Variants in LRPAP1 observed in about 807,000 individuals in gnomAD.
The protein encoded by LRPAP1 is LDL receptor related protein associated protein 1, also known as alpha-2-macroglobulin receptor-associated protein.
A neutral mutation model predicts 39.9 loss-of-function variants in LRPAP1; 41 were observed. The observed-to-expected ratio is 1.03, with a 90% confidence interval of 0.80 to 1.33. The LOEUF (loss-of-function observed/expected upper bound fraction) is 1.33. Among genes scored for constraint, LRPAP1 ranks in the 40% most tolerant of loss-of-function variants. The pLI, the probability that LRPAP1 is intolerant of heterozygous loss-of-function variation, is 0.00. For synonymous variants in LRPAP1, 263 were observed against 212.7 expected, an observed-to-expected ratio of 1.24 and a Z score of -2.06; for missense variants, 565 against 482.3, an observed-to-expected ratio of 1.17 and a Z score of -1.61.
chr4:3,522,397 G>A (rs929232065), intron 2 of LRPAP1, among the ~76,000 whole-genome samples: 3 of 152,256 alleles, frequency 2.0e-5, no homozygotes, highest in African/African-American at 7.2e-5. Context: ...GATTCTGGAG[G>A]TGCTGGGTTC....
At chr4:3,522,817 A>C (rs1194766492) in intron 2 of LRPAP1, among the ~76,000 whole-genome samples, 5 of 152,142 alleles carry the variant, frequency 3.3e-5, no homozygotes, top group African/African-American at 1.2e-4. Flanking sequence ...AGAGCAGAGC[A>C]GGGCAGGGCA....
At chr4:3,513,728 C>T (rs1322929613) in intron 7 of LRPAP1, among the ~76,000 whole-genome samples, 2 of 152,224 alleles carry the variant, frequency 1.3e-5, no homozygotes, top group Non-Finnish European at 2.9e-5. Flanking sequence ...CACATCACAA[C>T]AGCCCAGAGC....
At position 3,504,199 on chromosome 4, in the gene LRPAP1, G is replaced by C. The variant is rs1729285565; in HGVS notation, c.*8775C>G. ...CCTGCGGCCCTTCAGGGGTCAGCAT[G>C]ACTTGTGTGGGTCAGAAAGCCTCAG... On this transcript the variant is annotated 3_prime_UTR_variant, in exon 8 of 8. Coordinates refer to ENST00000650182, the MANE Select transcript of LRPAP1 (RefSeq NM_002337.4). 1 of 152,328 alleles carries C rather than the reference G, an allele frequency of 6.6e-6. No homozygotes were observed. Among genetic ancestry groups the C allele is most frequent in the African/African-American group, 2.4e-5 (1 of 41,474 alleles). 9.4% of individuals were successfully genotyped at this position (152,328 alleles called of 1,614,324 possible).
At position 3,510,655 on chromosome 4, in the gene LRPAP1, C is replaced by T. The variant is rs574226498; in HGVS notation, c.*2319G>A. The T allele has an allele frequency of 6.6e-6, 1 of 152,422 alleles. No homozygotes were observed. Among genetic ancestry groups the T allele is most frequent in the East Asian group, 1.9e-4 (1 of 5,192 alleles). The allele number at this position is 152,422 out of a possible 1,614,324, so 9.4% of individuals were successfully genotyped here. ...TGGATACACACGCGGCACACACCCA[C>T]ACAACAGGCCGCCACGCGGCAATCA... On this transcript the variant is annotated 3_prime_UTR_variant, in exon 8 of 8. Transcript: ENST00000650182.
Position 3,510,122 on chromosome 4 carries a change from C to T in LRPAP1, c.*2852G>A, listed in dbSNP as rs373207822. 1 of 152,162 alleles carries T rather than the reference C, an allele frequency of 6.6e-6. No homozygotes were observed. Among genetic ancestry groups the T allele is most frequent in the Non-Finnish European group, 1.5e-5 (1 of 68,048 alleles). 9.4% of individuals were successfully genotyped at this position (152,162 alleles called of 1,614,324 possible). ...GATTCAGGGTTTATTATAAACCCAA[C>T]TGTAGCCAAGACAGTGTGGCGGCCG... On this transcript the variant is annotated 3_prime_UTR_variant, in exon 8 of 8. Transcript: ENST00000650182.
rs968084527 is a variant in LRPAP1, at chr4:3,506,768, G to A, written c.*6206C>T. The A allele has an allele frequency of 3.9e-5, 6 of 152,208 alleles. No homozygotes were observed. Among genetic ancestry groups the A allele is most frequent in the Admixed American group, 6.5e-5 (1 of 15,288 alleles). 9.4% of individuals were successfully genotyped at this position (152,208 alleles called of 1,614,324 possible). A position where few individuals can be genotyped will look rare whatever the true frequency, so the allele number is the denominator to read the frequency against. On this transcript the variant is annotated 3_prime_UTR_variant, in exon 8 of 8. Transcript: ENST00000650182. ...GAGAAAATAGAAAGACCACTAGAAC[G>A]GAAAAATAAAAAATAAAAATTAGAT...
intron 1 of LRPAP1, among the ~76,000 whole-genome samples, chr4:3,525,421 C>CATA (rs915151980): frequency 1.3e-5 from 2 of 151,710 alleles, no homozygotes; most frequent in African/African-American, 4.8e-5. Context: ...ATTGCAGATA[C>CATA]ATATTGCAAG....
rs756067957 is a variant in LRPAP1 at position 3,514,807 on chromosome 4, C to T, written c.956G>A (p.Arg319His). Reference protein sequence around the residue: ...ESVGDGERVSRSREKHALLEG... With the variant: ...ESVGDGERVSHSREKHALLEG... The stretch of plus-strand genomic sequence containing the variant: ...CAGCAGGGCGTGCTTCTCGCGGCTG[C>T]GGCTCACACGCTCGCCGTCGCCCAC... The change falls in exon 7 of 8, where the codon CGC (arginine) becomes CAC (histidine). Residue 319 changes from arginine (R) to histidine (H), a missense_variant. Transcript: ENST00000650182. 10 of 1,613,074 alleles carry T rather than the reference C, an allele frequency of 6.2e-6. No homozygotes were observed. In the East Asian group the frequency reaches 6.7e-5, roughly 11 times the overall value.
Position 3,509,758 on chromosome 4 carries a change from C to T in LRPAP1, c.*3216G>A, listed in dbSNP as rs1251182823. The stretch of plus-strand genomic sequence containing the variant: ...GACTGGAGTCACACACGGCAGTCAA[C>T]GCGTGGACACTGGAGACTGCTGAGA... On this transcript the variant is annotated 3_prime_UTR_variant, in exon 8 of 8. Transcript: ENST00000650182. 2.3e-5 allele frequency: 1 copy of T among 43,756 alleles called. No homozygotes were observed. Among genetic ancestry groups the T allele is most frequent in the Non-Finnish European group, 4.4e-5 (1 of 22,580 alleles). 2.7% of individuals were successfully genotyped at this position (43,756 alleles called of 1,614,324 possible). A position where few individuals can be genotyped will look rare whatever the true frequency, so the allele number is the denominator to read the frequency against.
Position 3,505,366 on chromosome 4 carries a change from C to T in LRPAP1, c.*7608G>A, listed in dbSNP as rs1432367517. Among the ~76,000 whole-genome samples, 5 of 152,264 alleles carry T rather than the reference C, an allele frequency of 3.3e-5. No homozygotes were observed. The highest frequency in any genetic ancestry group is 1.9e-4 in the East Asian group (1 of 5,198). On this transcript the variant is annotated 3_prime_UTR_variant, in exon 8 of 8. Transcript: ENST00000650182. ...GCATCCCTCCCCGGTGCCTAGCCCTCGCCAGGCTGCTGGCCCCATCGCTGG... is the reference window on the plus strand; with the variant it reads ...GCATCCCTCCCCGGTGCCTAGCCCTTGCCAGGCTGCTGGCCCCATCGCTGG...
intron 2 of LRPAP1, among the ~76,000 whole-genome samples, chr4:3,523,731 C>T (rs1341361336): frequency 1.3e-5 from 2 of 152,220 alleles, no homozygotes; most frequent in African/African-American, 4.8e-5. Context: ...ACAACCCGGG[C>T]GCTGCAATGC....
At position 3,510,139 on chromosome 4, in the gene LRPAP1, T is replaced by C. The variant is rs1048666426; in HGVS notation, c.*2835A>G. On this transcript the variant is annotated 3_prime_UTR_variant, in exon 8 of 8. Transcript: ENST00000650182. ...AAACCCAACTGTAGCCAAGACAGTG[T>C]GGCGGCCGGGCACCATGGCTCACAC... is the stretch of plus-strand genomic sequence containing the variant. The C allele has an allele frequency of 1.3e-5, 2 of 152,162 alleles. No homozygotes were observed. Among genetic ancestry groups the C allele is most frequent in the Admixed American group, 1.3e-4 (2 of 15,274 alleles). 9.4% of individuals were successfully genotyped at this position (152,162 alleles called of 1,614,324 possible). A position where few individuals can be genotyped will look rare whatever the true frequency, so the allele number is the denominator to read the frequency against.
At chr4:3,532,051 C>T in intron 1 of LRPAP1, 158 bp downstream of exon 1, 1 of 813,234 alleles carries the variant, frequency 1.2e-6, no homozygotes, top group Non-Finnish European at 1.9e-6. Context: ...GGCGCCCCAC[C>T]TGACACTTGG....
intron 6 of LRPAP1, among the ~76,000 whole-genome samples, chr4:3,515,230 T>C (rs1285843073): frequency 3.3e-5 from 5 of 152,182 alleles, no homozygotes; most frequent in Admixed American, 1.3e-4. Flanking sequence ...GTCCAGGGGC[T>C]GTGCTTCTGT....
At chr4:3,528,597 G>C (rs754016425) in intron 1 of LRPAP1, among the ~76,000 whole-genome samples, 2 of 152,248 alleles carry the variant, frequency 1.3e-5, no homozygotes, top group Non-Finnish European at 2.9e-5. Flanking sequence ...CAGAGGGCAT[G>C]TGCCATCCTC....
Position 3,518,865 on chromosome 4 carries a change from G to A in LRPAP1, c.592+6C>T. 1 of 1,563,212 alleles carries A rather than the reference G, an allele frequency of 6.4e-7. No individual in the cohort carries two copies. The highest frequency in any genetic ancestry group is 8.7e-7 in the Non-Finnish European group (1 of 1,152,638). On this transcript the variant is annotated splice_donor_region_variant and intron_variant, in intron 4 of 7. Transcript: ENST00000650182. The stretch of plus-strand genomic sequence containing the variant: ...GAGGGCAGGAGGGGGTGGGGGCGGG[G>A]GGCACCTTCGGTCCTGCTCAGGGTC...
In LRPAP1 at chr4:3,507,446, T is replaced by G. The variant is rs1729386743; in HGVS notation, c.*5528A>C. ...CCTCAATTGCACTCTGGCCAAAGAA[T>G]GTGATTTGTATTATTTACCTACATA... is the stretch of plus-strand genomic sequence containing the variant. On this transcript the variant is annotated 3_prime_UTR_variant, in exon 8 of 8. Transcript: ENST00000650182. The G allele has an allele frequency of 6.6e-6, 1 of 150,586 alleles. No individual in the cohort carries two copies. The highest frequency in any genetic ancestry group is 2.4e-5 in the African/African-American group (1 of 40,884). The allele number at this position is 150,586 out of a possible 1,614,324, so 9.3% of individuals were successfully genotyped here.
Position 3,505,215 on chromosome 4 carries a change from C to A in LRPAP1, c.*7759G>T, listed in dbSNP as rs943148598. On this transcript the variant is annotated 3_prime_UTR_variant, in exon 8 of 8. Coordinates refer to ENST00000650182, the MANE Select transcript of LRPAP1 (RefSeq NM_002337.4). ...GTGTCCTGGACAGCCCAGCTCGAGG[C>A]TGCTCTTCAGCCCCAGCCCCTGGTG... is the stretch of plus-strand genomic sequence containing the variant. Among the ~76,000 whole-genome samples, 11 of 152,210 alleles carry A rather than the reference C, an allele frequency of 7.2e-5. No individual in the cohort carries two copies. The highest frequency in any genetic ancestry group is 1.3e-4 in the Admixed American group (2 of 15,288).
rs956594203 is a variant in LRPAP1, at chr4:3,521,329, C to T, written c.350-1136G>A. ...CTTCGCCTCACACTTCCCCTCACCC[C>T]GAGGACCTCTTCACCCAGATGGTGA... On this transcript the variant is annotated intron_variant, in intron 2 of 7. Coordinates refer to ENST00000650182, the MANE Select transcript of LRPAP1 (RefSeq NM_002337.4). Among the ~76,000 whole-genome samples, 16 of 152,318 alleles carry T rather than the reference C, an allele frequency of 1.1e-4. 3 individuals are homozygous for T. Among genetic ancestry groups the T allele is most frequent in the Admixed American group, 1.3e-4 (2 of 15,310 alleles).
Sources: gnomAD v4.1 joint callset for allele counts (sites outside exome capture counted in the v4.1 genomes callset) on GRCh38, gnomAD v4.1.1 for gene constraint, MANE v1.5 for transcripts, NCBI Gene and HGNC (gene_info 2026-07-23, HGNC 2026-07-21) for gene names.